ALDH1A2: variants seen among roughly 807,000 people sequenced by gnomAD.
ALDH1A2 encodes the protein aldehyde dehydrogenase 1 family member A2, also known as retinal dehydrogenase 2.
In ALDH1A2, 27 loss-of-function variants were observed where a neutral mutation model predicts 60.3. The ratio of observed to expected loss-of-function variants is 0.45; its 90% confidence interval spans 0.33 to 0.62. The LOEUF (loss-of-function observed/expected upper bound fraction) is 0.62. Among genes scored for constraint, ALDH1A2 ranks in the 20% least tolerant of loss-of-function variants. The pLI is 0.02. For missense variants in ALDH1A2, 581 were observed against 643.8 expected, an observed-to-expected ratio of 0.90 and a Z score of 1.06; for synonymous variants, 289 against 232.4, an observed-to-expected ratio of 1.24 and a Z score of -2.21.
chr15:57,976,709 G>C (rs1358690063), intron 7 of ALDH1A2, among the ~76,000 whole-genome samples: 1 of 152,174 alleles, frequency 6.6e-6, no homozygotes, highest in African/African-American at 2.4e-5. Context: ...ATTGTGAATA[G>C]TGCTGCAATA....
intron 4 of ALDH1A2, among the ~76,000 whole-genome samples, chr15:58,005,711 A>C (rs1441366174): frequency 6.6e-6 from 1 of 151,948 alleles, no homozygotes; most frequent in Admixed American, 6.6e-5. Context: ...AACAACAAAA[A>C]ACCCTATTTC....
chr15:58,047,257 T>C lies in ALDH1A2; in HGVS notation c.117+18277A>G, dbSNP rs4646575. Reference sequence around the variant, plus strand: ...AACGTTTTGTTTTTTTAATAGTAAATGCTTCAAATGATTTGTATTAAACTC... The same window carrying C: ...AACGTTTTGTTTTTTTAATAGTAAACGCTTCAAATGATTTGTATTAAACTC... On this transcript the variant is annotated intron_variant, in intron 1 of 12. Transcript: ENST00000249750. Among the ~76,000 whole-genome samples, 189 of 152,140 alleles carry C rather than the reference T, an allele frequency of 1.2e-3. 2 individuals are homozygous for C. The East Asian group carries it at 0.017, about 14-fold the overall frequency.
At chr15:58,013,352 T>G (rs573402656) in intron 3 of ALDH1A2, among the ~76,000 whole-genome samples, 1 of 152,292 alleles carries the variant, frequency 6.6e-6, no homozygotes, top group African/African-American at 2.4e-5. Flanking sequence ...AGGGGGAGTT[T>G]TAGAAAAGAA....
intron 1 of ALDH1A2, 121 bp from the exon 2 acceptor site, chr15:58,014,402 G>C: frequency 1.2e-6 from 1 of 863,348 alleles, no homozygotes; most frequent in Non-Finnish European, 1.9e-6. Context: ...TATACAATTT[G>C]AAGTGTTTTA....
At chr15:57,966,688 C>A (rs911304240) in intron 7 of ALDH1A2, among the ~76,000 whole-genome samples, 19 of 152,210 alleles carry the variant, frequency 1.2e-4, no homozygotes, top group Non-Finnish European at 4.4e-5. Context: ...AAAGGTCCTA[C>A]CCTTTCAGCC....
At chr15:57,997,403 T>A (rs1895099180) in intron 4 of ALDH1A2, among the ~76,000 whole-genome samples, 1 of 151,978 alleles carries the variant, frequency 6.6e-6, no homozygotes, top group African/African-American at 2.4e-5. Context: ...TTGGTTAAGG[T>A]GATGGGTTCA....
chr15:58,034,253 T>C (rs184029023), intron 1 of ALDH1A2, among the ~76,000 whole-genome samples: 68 of 151,832 alleles, frequency 4.5e-4, no homozygotes, highest in Non-Finnish European at 8.9e-4. Flanking sequence ...GTGTTTTTAA[T>C]TTCAAATTCC....
At chr15:58,065,478 A>C in intron 1 of ALDH1A2, 56 bp downstream of exon 1, 1 of 1,437,536 alleles carries the variant, frequency 7.0e-7, no homozygotes, top group Non-Finnish European at 9.8e-7. Context: ...GATCGGGGAA[A>C]CCGAAGAAGG....
intron 1 of ALDH1A2, among the ~76,000 whole-genome samples, chr15:58,058,313 G>A (rs1034587631): frequency 2.6e-5 from 4 of 151,816 alleles, no homozygotes; most frequent in Admixed American, 6.6e-5. Flanking sequence ...CATATCTCGT[G>A]GGCTTGCTAA....
intron 1 of ALDH1A2, among the ~76,000 whole-genome samples, chr15:58,020,815 G>A (rs1183130345): frequency 1.3e-5 from 2 of 152,048 alleles, no homozygotes; most frequent in African/African-American, 2.4e-5. Flanking sequence ...AACGTTTTAT[G>A]TTTGTACTAT....
intron 4 of ALDH1A2, among the ~76,000 whole-genome samples, chr15:58,003,808 G>A (rs373129698): frequency 5.7e-4 from 86 of 151,814 alleles, no homozygotes; most frequent in African/African-American, 2.0e-3. Context: ...TAATGTAACA[G>A]GTAAAAAAGT....
In ALDH1A2 at chr15:58,021,913, G is replaced by A. The variant is rs1895939646; in HGVS notation, c.118-7632C>T. Among the ~76,000 whole-genome samples the A allele has an allele frequency of 3.3e-5, 5 of 152,222 alleles. No homozygotes were observed. The South Asian group carries it at 8.3e-4, about 25-fold the overall frequency. On this transcript the variant is annotated intron_variant, in intron 1 of 12. Coordinates refer to ENST00000249750, the MANE Select transcript of ALDH1A2 (RefSeq NM_003888.4). The stretch of plus-strand genomic sequence containing the variant: ...CTGGGCAGGGGTTGCTGCAGCTGGT[G>A]CAGGCGGATGAGTTAGGTGCAGGCT...
At chr15:58,000,644 T>G (rs1434245146) in intron 4 of ALDH1A2, among the ~76,000 whole-genome samples, 3 of 151,998 alleles carry the variant, frequency 2.0e-5, no homozygotes, top group Non-Finnish European at 4.4e-5. Context: ...AAAGTTTACT[T>G]GCTTACTGTA....
At chr15:58,006,178 C>T (rs1040923692) in intron 4 of ALDH1A2, among the ~76,000 whole-genome samples, 18 of 151,836 alleles carry the variant, frequency 1.2e-4, no homozygotes, top group Admixed American at 7.2e-4. Context: ...TCACCCCACT[C>T]CCATCCTTCC....
At chr15:58,047,328 A>T (rs1470219464) in intron 1 of ALDH1A2, among the ~76,000 whole-genome samples, 5 of 152,076 alleles carry the variant, frequency 3.3e-5, no homozygotes, top group African/African-American at 1.2e-4. Context: ...TCAACTTGCC[A>T]TTAAACTGTT....
At chr15:57,956,868 C>A (rs1893544943) in intron 12 of ALDH1A2, among the ~76,000 whole-genome samples, 1 of 152,200 alleles carries the variant, frequency 6.6e-6, no homozygotes, top group Non-Finnish European at 1.5e-5. Flanking sequence ...GACTCTCTAA[C>A]TAGGTTGTGA....
At chr15:58,038,001 G>C (rs550597777) in intron 1 of ALDH1A2, among the ~76,000 whole-genome samples, 1 of 151,342 alleles carries the variant, frequency 6.6e-6, no homozygotes, top group South Asian at 2.1e-4. Flanking sequence ...GTTTTCCCCC[G>C]TGGGGCCTTC....
chr15:58,010,917 A>T (rs1210567963), intron 3 of ALDH1A2, 139 bp from the exon 4 acceptor site: 3 of 1,170,508 alleles, frequency 2.6e-6, no homozygotes, highest in Non-Finnish European at 3.6e-6. Flanking sequence ...TGAATTCTCA[A>T]ATAAAAAGAT....
At position 58,065,528 on chromosome 15, in the gene ALDH1A2, G is replaced by C; in HGVS notation, c.117+6C>G. The C allele has an allele frequency of 1.2e-6, 2 of 1,609,004 alleles. No homozygotes were observed. The highest frequency in any genetic ancestry group is 1.7e-6 in the Non-Finnish European group (2 of 1,175,418). ...CGTGGACGACGGGCGCTGGGCGGCC[G>C]CTTACCTTGGTGTACTTAATTTCGA... On this transcript the variant is annotated splice_donor_region_variant and intron_variant, in intron 1 of 12. Transcript: ENST00000249750.
Sources: allele counts gnomAD v4.1 joint callset (sites outside exome capture counted in the v4.1 genomes callset), GRCh38; gene constraint gnomAD v4.1.1; transcripts MANE v1.5; gene names NCBI Gene and HGNC (gene_info 2026-07-23, HGNC 2026-07-21).